CLSTN1: variants seen among roughly 807,000 people sequenced by gnomAD.
CLSTN1 encodes the protein calsyntenin-1.
CLSTN1 carries 28 observed loss-of-function variants against 108.3 expected under a neutral mutation model. The observed-to-expected ratio is 0.26, with a 90% confidence interval of 0.19 to 0.35. The LOEUF (loss-of-function observed/expected upper bound fraction) is 0.35. Ranked by LOEUF, CLSTN1 falls within the 10% of genes least tolerant of loss-of-function variation. CLSTN1 has a pLI of 1.00. For missense variants in CLSTN1, 1,157 were observed against 1,302.6 expected, an observed-to-expected ratio of 0.89 and a Z score of 1.72; for synonymous variants, 524 against 534.9, an observed-to-expected ratio of 0.98 and a Z score of 0.28.
chr1:9,810,224 C>T (rs905815238), intron 1 of CLSTN1, among the ~76,000 whole-genome samples: 1 of 135,140 alleles, frequency 7.4e-6, no homozygotes, highest in African/African-American at 2.8e-5. Flanking sequence ...GCCTCTAATC[C>T]CAGAACTTTG....
intron 2 of CLSTN1, among the ~76,000 whole-genome samples, chr1:9,770,548 G>A (rs1211435285): frequency 6.6e-6 from 1 of 152,224 alleles, no homozygotes; most frequent in African/African-American, 2.4e-5. Context: ...CACGCCCAGA[G>A]CAATAGCTTA....
chr1:9,807,019 G>T (rs1005911448), intron 1 of CLSTN1, among the ~76,000 whole-genome samples: 5 of 151,900 alleles, frequency 3.3e-5, no homozygotes, highest in African/African-American at 9.7e-5. Flanking sequence ...CGTGGGGGGG[G>T]GTCTGGAGCA....
At chr1:9,733,206 CACA>C (rs1650500041) in intron 16 of CLSTN1, among the ~76,000 whole-genome samples, 192 bp downstream of exon 16, 1 of 152,154 alleles carries the variant, frequency 6.6e-6, no homozygotes, top group Middle Eastern at 3.2e-3. Flanking sequence ...TCACCCCAAA[CACA>C]ACTTGTCACT....
rs150923666 is a variant in CLSTN1, at chr1:9,735,847, G to A, written c.1734+38C>T. The A allele has an allele frequency of 3.4e-3, 5,436 of 1,610,288 alleles. 109 individuals are homozygous for A. The East Asian group carries it at 0.048, about 14-fold the overall frequency. On this transcript the variant is annotated intron_variant, in intron 12 of 18. Transcript: ENST00000377298. ...CAGCCTCCGGGGCTGTAGTCTAAGG[G>A]GCCCATGAGTGGTGTGCAGTCGAGC... is the stretch of plus-strand genomic sequence containing the variant.
rs182152450 is a variant in CLSTN1, at chr1:9,768,437, G to A, written c.214+4835C>T. ...CGGGGGGCGGGGTTCTGTGCTGGGC[G>A]GCACCAGGGGGGCGGGGTTCTGTGT... On this transcript the variant is annotated intron_variant, in intron 2 of 18. Transcript: ENST00000377298. Among the ~76,000 whole-genome samples, 555 of 120,898 alleles carry A rather than the reference G, an allele frequency of 4.6e-3. 23 individuals carry two copies. The highest frequency in any genetic ancestry group is 0.016 in the African/African-American group (467 of 29,218). 79.3% of individuals were successfully genotyped at this position (120,898 alleles called of 152,430 possible).
At chr1:9,810,144 GGAGGGGAAGGAGGGGA>G in intron 1 of CLSTN1, among the ~76,000 whole-genome samples, 1 of 106,860 alleles carries the variant, frequency 9.4e-6, no homozygotes, top group African/African-American at 3.6e-5. Flanking sequence ...AGGGAGGAAA[GGAGGGGAAGGAGGGGA>G]GGAAGGGAGG....
rs1289692186 is a variant in CLSTN1 at position 9,823,071 on chromosome 1, C to T, written c.91+572G>A. 6.6e-6 allele frequency among the ~76,000 whole-genome samples: 1 copy of T among 152,146 alleles called. No individual in the cohort carries two copies. Among genetic ancestry groups the T allele is most frequent in the Non-Finnish European group, 1.5e-5 (1 of 68,030 alleles). ...ACGTCTGAAGGACTCTGGGAGGAGG[C>T]GGAAAGGGGCGAAGTCGTGGTGTCC... On this transcript the variant is annotated intron_variant, in intron 1 of 18. Transcript: ENST00000377298. This position sits in a 1 kb window ranked among gnomAD's most constrained non-coding sequence, Gnocchi z 6.3.
intron 2 of CLSTN1, among the ~76,000 whole-genome samples, chr1:9,768,962 G>GCA (rs1570471021): frequency 2.3e-5 from 3 of 127,756 alleles, no homozygotes; most frequent in East Asian, 5.2e-4. Context: ...GGAGGAAAAG[G>GCA]GGGAAGGAGG....
In CLSTN1 at chr1:9,789,453, A is replaced by G. The variant is rs973047583; in HGVS notation, c.92-16059T>C. Among the ~76,000 whole-genome samples the G allele has an allele frequency of 5.3e-5, 8 of 151,486 alleles. 1 individual carries two copies. The highest frequency in any genetic ancestry group is 1.0e-4 in the Non-Finnish European group (7 of 68,030). On this transcript the variant is annotated intron_variant, in intron 1 of 18. Coordinates refer to ENST00000377298, the MANE Select transcript of CLSTN1 (RefSeq NM_001009566.3). ...TTGTGTAAAATTGATAAGATACCAAAGTAGACAACAGAGAGTAAGAAGCCC... is the reference window on the plus strand; with the variant it reads ...TTGTGTAAAATTGATAAGATACCAAGGTAGACAACAGAGAGTAAGAAGCCC...
chr1:9,783,954 T>C (rs1413137703), intron 1 of CLSTN1, among the ~76,000 whole-genome samples: 1 of 150,406 alleles, frequency 6.6e-6, no homozygotes, highest in Non-Finnish European at 1.5e-5. Flanking sequence ...GACCACACTA[T>C]TGCACTCCAG....
At chr1:9,811,340 T>TA (rs1654747646) in intron 1 of CLSTN1, among the ~76,000 whole-genome samples, 1 of 152,178 alleles carries the variant, frequency 6.6e-6, no homozygotes, top group African/African-American at 2.4e-5. Context: ...AGAAGACATG[T>TA]ATTCGCTGCT....
chr1:9,734,884 G>T lies in CLSTN1; in HGVS notation c.2110+64C>A. On this transcript the variant is annotated intron_variant, in intron 14 of 18. Coordinates refer to ENST00000377298, the MANE Select transcript of CLSTN1 (RefSeq NM_001009566.3). This position sits in a 1 kb window ranked among gnomAD's most constrained non-coding sequence, Gnocchi z 4.8. ...CCACAGAGACAAAGAGCCCCGCCAA[G>T]TACATGGGGACAATGGGGTTTCCGG... The T allele has an allele frequency of 7.3e-7, 1 of 1,375,630 alleles. No homozygotes were observed. Among genetic ancestry groups the T allele is most frequent in the Non-Finnish European group, 1.0e-6 (1 of 965,928 alleles). 85.2% of individuals were successfully genotyped at this position (1,375,630 alleles called of 1,614,324 possible). A position where few individuals can be genotyped will look rare whatever the true frequency, so the allele number is the denominator to read the frequency against.
chr1:9,806,079 C>G (rs1654494949), intron 1 of CLSTN1, among the ~76,000 whole-genome samples: 2 of 151,948 alleles, frequency 1.3e-5, no homozygotes. Flanking sequence ...CGCTTGAGGT[C>G]AGGAGTTCAA....
At chr1:9,751,725 G>A in intron 4 of CLSTN1, 44 bp from the exon 5 acceptor site, 1 of 1,556,684 alleles carries the variant, frequency 6.4e-7, no homozygotes, top group East Asian at 2.2e-5. Flanking sequence ...CTTGTTTTCA[G>A]TGTGAGAGAG....
intron 7 of CLSTN1, among the ~76,000 whole-genome samples, chr1:9,746,698 T>A (rs747967837): frequency 1.4e-4 from 20 of 147,676 alleles, no homozygotes; most frequent in Non-Finnish European, 2.4e-4. Flanking sequence ...TGGGCGACAG[T>A]GAGACTCTGT....
chr1:9,733,905 A>G, intron 15 of CLSTN1, 67 bp downstream of exon 15: 3 of 1,457,442 alleles, frequency 2.1e-6, no homozygotes, highest in South Asian at 2.5e-5. Flanking sequence ...GGCAGCAGCC[A>G]GCCAAGAGCT....
At chr1:9,776,373 CG>C (rs1652943161) in intron 1 of CLSTN1, among the ~76,000 whole-genome samples, 1 of 152,172 alleles carries the variant, frequency 6.6e-6, no homozygotes, top group South Asian at 2.1e-4. Flanking sequence ...ACCCAGACCC[CG>C]GGGAGTTGTT....
intron 5 of CLSTN1, chr1:9,750,161 G>T: frequency 2.6e-6 from 1 of 391,640 alleles, no homozygotes; most frequent in Non-Finnish European, 4.6e-6. Context: ...CTCTCACAGT[G>T]TTACATTGGG....
intron 7 of CLSTN1, among the ~76,000 whole-genome samples, chr1:9,747,389 T>C (rs576408504): frequency 2.6e-5 from 4 of 152,292 alleles, no homozygotes; most frequent in Middle Eastern, 3.4e-3. Context: ...GTGACAATTA[T>C]GAATATTTGG....
Sources: gnomAD v4.1 joint callset for allele counts (sites outside exome capture counted in the v4.1 genomes callset) on GRCh38, gnomAD v4.1.1 for gene constraint, Gnocchi (gnomAD v3.1) non-coding constraint, MANE v1.5 for transcripts, NCBI Gene and HGNC (gene_info 2026-07-23, HGNC 2026-07-21) for gene names.